The following NBAS variants were observed in gnomAD, a reference collection of about 807,000 sequenced individuals.
NBAS encodes the protein NAG/BC035112 fusion.
Under a neutral mutation model 302.5 loss-of-function variants are expected in NBAS, and 219 were observed. The ratio of observed to expected loss-of-function variants is 0.72; its 90% CI spans 0.65 to 0.81. The LOEUF (loss-of-function observed/expected upper bound fraction) is 0.81. Ranked by LOEUF, NBAS falls within the 30% of genes least tolerant of loss-of-function variation. The pLI is 0.00. For missense variants in NBAS, 2,932 were observed against 2,841.6 expected (o/e 1.03, Z -0.72); for synonymous variants, 1,118 against 1,021.6 (o/e 1.09, Z -1.80).
At chr2:14,969,840 C>T in the NBAS span, among the ~76,000 whole-genome samples, 15 of 151,774 alleles carry the variant, frequency 9.9e-5, no homozygotes, top group African/African-American at 3.2e-4. Flanking sequence ...ATAAAGGCTT[C>T]GGGTGGTGGG....
At chr2:15,382,975 G>A (rs1362789166) in intron 29 of NBAS, among the ~76,000 whole-genome samples, 5 of 152,048 alleles carry the variant, frequency 3.3e-5, no homozygotes, top group African/African-American at 1.2e-4. Flanking sequence ...AGTCAAGTAC[G>A]ATTCACATTT....
At chr2:15,309,631 C>G (rs1671188910) in intron 38 of NBAS, among the ~76,000 whole-genome samples, 1 of 152,086 alleles carries the variant, frequency 6.6e-6, no homozygotes, top group Non-Finnish European at 1.5e-5. Flanking sequence ...TACTAAAGAT[C>G]AGAGCAATAA....
At chr2:15,372,191 T>A (rs1411324625) in intron 31 of NBAS, among the ~76,000 whole-genome samples, 2 of 152,164 alleles carry the variant, frequency 1.3e-5, no homozygotes, top group Admixed American at 1.3e-4. Context: ...CCAAATGAAA[T>A]ATTCAAAGGC....
At chr2:15,070,910 T>C in the NBAS span, among the ~76,000 whole-genome samples, 14 of 152,198 alleles carry the variant, frequency 9.2e-5, no homozygotes, top group African/African-American at 3.4e-4. Context: ...GGCCATGACA[T>C]GCTTCTTAAA....
the NBAS span, among the ~76,000 whole-genome samples, chr2:15,095,422 G>A: frequency 2.6e-5 from 4 of 152,092 alleles, no homozygotes; most frequent in African/African-American, 4.8e-5. Flanking sequence ...TCACCTTATC[G>A]AACCATCAGA....
the NBAS span, among the ~76,000 whole-genome samples, chr2:14,855,789 T>G: frequency 6.6e-6 from 1 of 152,070 alleles, no homozygotes; most frequent in Non-Finnish European, 1.5e-5. Context: ...GATTTTTGAC[T>G]CTAGGCCCTG....
the NBAS span, among the ~76,000 whole-genome samples, chr2:14,879,918 G>A: frequency 6.6e-6 from 1 of 152,120 alleles, no homozygotes; most frequent in African/African-American, 2.4e-5. Context: ...CCAGTAAAAT[G>A]TCTAAGACAG....
rs1572960300 is a variant in NBAS at position 15,519,018 on chromosome 2, C to T, written c.747-7668G>A. Among the ~76,000 whole-genome samples, 8 of 152,254 alleles carry T rather than the reference C, an allele frequency of 5.3e-5. No individual in the cohort carries two copies. The South Asian group carries it at 1.7e-3, about 32-fold the overall frequency. On this transcript the variant is annotated intron_variant, in intron 9 of 51. Transcript: ENST00000281513. The stretch of plus-strand genomic sequence containing the variant: ...ACAAGATGAGATTTGGGTGGGGACA[C>T]AGAGCCAAGCCATATTACTCTTCAA...
chr2:14,871,205 T>C, the NBAS span, among the ~76,000 whole-genome samples: 1 of 138,296 alleles, frequency 7.2e-6, no homozygotes, highest in East Asian at 2.1e-4. Context: ...TGAACAGAAA[T>C]AGAGGAGAAA....
intron 29 of NBAS, among the ~76,000 whole-genome samples, chr2:15,380,698 G>A (rs761351346): frequency 1.3e-5 from 2 of 151,998 alleles, no homozygotes; most frequent in Non-Finnish European, 2.9e-5. Flanking sequence ...CCTTTTAAAC[G>A]TACATTAACA....
the NBAS span, among the ~76,000 whole-genome samples, chr2:15,083,598 T>C: frequency 6.6e-6 from 1 of 152,234 alleles, no homozygotes. Context: ...AAAGAACAGA[T>C]GTTTCTTACA....
In NBAS at chr2:15,237,511, G is replaced by A. The variant is rs1053152258; in HGVS notation, c.5943+957C>T. Among the ~76,000 whole-genome samples the A allele has an allele frequency of 2.0e-5, 3 of 151,548 alleles. No homozygotes were observed. The East Asian group carries it at 5.8e-4, about 29-fold the overall frequency. On this transcript the variant is annotated intron_variant, in intron 45 of 51. Transcript: ENST00000281513. ...CAAAAATACAGTGTAGACATAAAAG[G>A]CTATTTCTGATTTTTTTTCTGAAAA...
At chr2:15,535,183 C>A (rs2148681739) in intron 8 of NBAS, among the ~76,000 whole-genome samples, 1 of 152,292 alleles carries the variant, frequency 6.6e-6, no homozygotes, top group East Asian at 1.9e-4. Flanking sequence ...ATCCAGGATG[C>A]TCAGAGGATA....
chr2:15,138,738 G>T, the NBAS span, among the ~76,000 whole-genome samples: 2 of 152,028 alleles, frequency 1.3e-5, no homozygotes, highest in Admixed American at 6.5e-5. Flanking sequence ...CTCATTTCAT[G>T]GCTAATTTCT....
intron 13 of NBAS, among the ~76,000 whole-genome samples, chr2:15,477,194 A>G (rs1035469259): frequency 3.3e-5 from 5 of 152,366 alleles, no homozygotes; most frequent in African/African-American, 1.2e-4. Context: ...TTTAAAGCGA[A>G]TAATTCAAAG....
the NBAS span, among the ~76,000 whole-genome samples, chr2:14,873,052 G>C: frequency 0.032 from 4,885 of 152,284 alleles, 243 homozygotes; most frequent in African/African-American, 0.11. Context: ...CTCGGCAGGT[G>C]GCCGAGGCTA....
chr2:15,455,608 T>C (rs1679213788), intron 21 of NBAS, among the ~76,000 whole-genome samples: 1 of 152,004 alleles, frequency 6.6e-6, no homozygotes, highest in African/African-American at 2.4e-5. Flanking sequence ...CAACACTTAC[T>C]TGGTGCCAAG....
chr2:14,788,270 T>C, the NBAS span, among the ~76,000 whole-genome samples: 2 of 152,202 alleles, frequency 1.3e-5, no homozygotes, highest in Non-Finnish European at 2.9e-5. Context: ...GGTTTGAATT[T>C]CCCCCTGTAG....
chr2:15,504,091 C>T, intron 11 of NBAS, 54 bp downstream of exon 11: 2 of 1,453,032 alleles, frequency 1.4e-6, no homozygotes, highest in Middle Eastern at 1.7e-4. Flanking sequence ...CTTAAAGGTA[C>T]TTCAGGGTAA....
Sources: allele counts gnomAD v4.1 joint callset (sites outside exome capture counted in the v4.1 genomes callset), GRCh38; gene constraint gnomAD v4.1.1; transcripts MANE v1.5; gene names NCBI Gene and HGNC (gene_info 2026-07-23, HGNC 2026-07-21).